NME7: variants seen among roughly 807,000 people sequenced by gnomAD.
NME7 encodes the protein nucleoside diphosphate kinase 7.
A neutral mutation model predicts 49.1 loss-of-function variants in NME7; 41 were observed. That is an observed-to-expected ratio of 0.83 (90% CI 0.65 to 1.08). NME7 has a LOEUF of 1.08. Among genes scored for constraint, NME7 ranks in the 50% least tolerant of loss-of-function variants. The pLI is 0.00. For synonymous variants in NME7, 139 were observed against 150.6 expected, an observed-to-expected ratio of 0.92 and a Z score of 0.56; for missense variants, 423 against 463.4, an observed-to-expected ratio of 0.91 and a Z score of 0.80.
rs1314746501 is a variant in NME7, at chr1:169,237,620, T to C, written c.819+3A>G. ...ATATTATGGTTCATTGTAAACTACC[T>C]ACCATCTGCATAGCTGAGATTTCAA... is the stretch of plus-strand genomic sequence containing the variant. On this transcript the variant is annotated splice_donor_region_variant and intron_variant, in intron 8 of 11. Transcript: ENST00000367811. 1 of 1,603,800 alleles carries C rather than the reference T, an allele frequency of 6.2e-7. No individual in the cohort carries two copies. The highest frequency in any genetic ancestry group is 1.7e-5 in the Admixed American group (1 of 59,670).
intron 11 of NME7, among the ~76,000 whole-genome samples, chr1:169,154,241 G>A (rs1011764614): frequency 5.9e-5 from 9 of 151,910 alleles, no homozygotes; most frequent in Admixed American, 5.9e-4. Flanking sequence ...TCAAACTCCT[G>A]GGCTCAAGTG....
chr1:169,365,526 T>A (rs34450667), intron 1 of NME7, among the ~76,000 whole-genome samples: 18 of 152,184 alleles, frequency 1.2e-4, no homozygotes, highest in Admixed American at 3.9e-4. Flanking sequence ...CTTGGTATGT[T>A]CAATGAAAAG....
chr1:169,349,790 A>G (rs1653086422), intron 1 of NME7, among the ~76,000 whole-genome samples: 1 of 152,118 alleles, frequency 6.6e-6, no homozygotes, highest in Non-Finnish European at 1.5e-5. Context: ...TCTCATTTGT[A>G]TTAGTAAGAA....
intron 10 of NME7, among the ~76,000 whole-genome samples, chr1:169,227,076 C>A (rs140512844): frequency 2.6e-5 from 4 of 152,234 alleles, no homozygotes; most frequent in African/African-American, 9.6e-5. Context: ...GTGAGCCTTG[C>A]ACATACTATT....
intron 7 of NME7, among the ~76,000 whole-genome samples, chr1:169,283,110 C>A (rs367635384): frequency 1.3e-5 from 2 of 152,066 alleles, no homozygotes; most frequent in South Asian, 4.1e-4. Flanking sequence ...TAAGCATGTA[C>A]TTTATGAATC....
rs1553196246 is a variant in NME7 at position 169,342,926 on chromosome 1, T to TAGTGTATATATATATATAC, written c.4-18427_4-18426insGTATATATATATATACACT. The stretch of plus-strand genomic sequence containing the variant: ...CATATATATAGTGTATATATATATA[T>TAGTGTATATATATATATAC]ACAAGTACATATATATACTTGTATT... On this transcript the variant is annotated intron_variant, in intron 1 of 11. Transcript: ENST00000367811. 3.7e-4 allele frequency among the ~76,000 whole-genome samples: 39 copies of TAGTGTATATATATATATAC among 106,142 alleles called. 5 individuals are homozygous for TAGTGTATATATATATATAC. Among genetic ancestry groups the TAGTGTATATATATATATAC allele is most frequent in the Middle Eastern group, 0.01 (2 of 192 alleles). 69.6% of individuals were successfully genotyped at this position (106,142 alleles called of 152,430 possible).
intron 1 of NME7, among the ~76,000 whole-genome samples, chr1:169,352,155 C>T (rs1025448048): frequency 6.6e-6 from 1 of 151,804 alleles, no homozygotes; most frequent in African/African-American, 2.4e-5. Context: ...AGAACAATAT[C>T]TCTAATATTG....
chr1:169,189,550 A>C (rs1660159649), intron 10 of NME7, among the ~76,000 whole-genome samples: 1 of 152,154 alleles, frequency 6.6e-6, no homozygotes, highest in Admixed American at 6.5e-5. Flanking sequence ...AACACAACAA[A>C]TTAGCATACT....
At chr1:169,144,136 C>T (rs1421199967) in intron 11 of NME7, among the ~76,000 whole-genome samples, 1 of 152,026 alleles carries the variant, frequency 6.6e-6, no homozygotes, top group Non-Finnish European at 1.5e-5. Context: ...TGTAGTTTCC[C>T]TACATGGAAT....
intron 1 of NME7, among the ~76,000 whole-genome samples, chr1:169,359,881 T>G (rs1400978658): frequency 1.3e-5 from 2 of 152,090 alleles, no homozygotes; most frequent in Non-Finnish European, 2.9e-5. Flanking sequence ...AGGCAAAGTG[T>G]CCAGTATCAG....
intron 11 of NME7, among the ~76,000 whole-genome samples, chr1:169,146,787 T>C (rs1421214186): frequency 6.6e-6 from 1 of 151,740 alleles, no homozygotes; most frequent in Non-Finnish European, 1.5e-5. Context: ...CCTCAAGGAG[T>C]TCACACTAAG....
intron 10 of NME7, chr1:169,190,694 A>C (rs1163579394): frequency 2.3e-6 from 1 of 441,604 alleles, no homozygotes; most frequent in South Asian, 1.6e-5. Context: ...GAGAAATTGG[A>C]GATTTGGGGG....
intron 1 of NME7, among the ~76,000 whole-genome samples, chr1:169,366,369 G>C (rs189428535): frequency 6.6e-6 from 1 of 152,336 alleles, no homozygotes; most frequent in Admixed American, 6.5e-5. Context: ...TTGTCTGTTT[G>C]ATATAAGTAA....
intron 1 of NME7, among the ~76,000 whole-genome samples, chr1:169,350,544 T>A (rs1424534367): frequency 6.6e-6 from 1 of 151,930 alleles, no homozygotes; most frequent in Non-Finnish European, 1.5e-5. Context: ...TTCTCTCTTT[T>A]GTCTCCTAGA....
chr1:169,173,920 G>T (rs1017318731), intron 10 of NME7, among the ~76,000 whole-genome samples: 2 of 152,152 alleles, frequency 1.3e-5, no homozygotes, highest in Non-Finnish European at 2.9e-5. Flanking sequence ...ATAAATAACA[G>T]GTTATGCTGA....
At chr1:169,184,844 G>C (rs1660024439) in intron 10 of NME7, among the ~76,000 whole-genome samples, 1 of 152,230 alleles carries the variant, frequency 6.6e-6, no homozygotes, top group African/African-American at 2.4e-5. Context: ...AAACAGATTT[G>C]TATTGTTTGC....
chr1:169,235,643 A>G (rs890290432), intron 8 of NME7, among the ~76,000 whole-genome samples: 1 of 152,132 alleles, frequency 6.6e-6, no homozygotes, highest in African/African-American at 2.4e-5. Context: ...TAATTATACT[A>G]TTGATAGATT....
chr1:169,152,525 T>C (rs1658941156), intron 11 of NME7, among the ~76,000 whole-genome samples: 2 of 152,168 alleles, frequency 1.3e-5, no homozygotes, highest in African/African-American at 4.8e-5. Context: ...TTGCTTTTAT[T>C]ATTACTGGAT....
At chr1:169,331,858 A>G (rs1259710251) in intron 1 of NME7, among the ~76,000 whole-genome samples, 1 of 152,152 alleles carries the variant, frequency 6.6e-6, no homozygotes, top group African/African-American at 2.4e-5. Flanking sequence ...TGGAATTGGA[A>G]GAATTAACAT....
Sources: allele counts gnomAD v4.1 joint callset (sites outside exome capture counted in the v4.1 genomes callset), GRCh38; gene constraint gnomAD v4.1.1; transcripts MANE v1.5; gene names NCBI Gene and HGNC (gene_info 2026-07-23, HGNC 2026-07-21).